USP22: variants seen among roughly 807,000 people sequenced by gnomAD.
The protein encoded by USP22 is ubiquitin carboxyl-terminal hydrolase 22.
A neutral mutation model predicts 68.1 loss-of-function variants in USP22; 22 were observed. The ratio of observed to expected loss-of-function variants is 0.32; its 90% CI spans 0.23 to 0.46. The LOEUF (loss-of-function observed/expected upper bound fraction) is 0.46. Among genes scored for constraint, USP22 ranks in the 20% least tolerant of loss-of-function variants. The probability of loss-of-function intolerance (pLI) is 1.00; values close to 1 mark genes in which losing one functional copy is unlikely to be tolerated. For missense variants in USP22, 433 were observed against 695.8 expected, an observed-to-expected ratio of 0.62 and a Z score of 4.25; for synonymous variants, 279 against 274.2, an observed-to-expected ratio of 1.02 and a Z score of -0.17.
chr17:21,020,021 CCT>C (rs1972133678), intron 3 of USP22, among the ~76,000 whole-genome samples: 1 of 152,004 alleles, frequency 6.6e-6, no homozygotes, highest in African/African-American at 2.4e-5. Flanking sequence ...TGAAAGAGCC[CCT>C]GTTGCTATTC....
intron 4 of USP22, among the ~76,000 whole-genome samples, chr17:21,018,676 C>T (rs1258669693): frequency 1.3e-5 from 2 of 150,356 alleles, no homozygotes; most frequent in Non-Finnish European, 3.0e-5. Flanking sequence ...CCAGCCTGGG[C>T]AACAGAGCAA....
intron 1 of USP22, among the ~76,000 whole-genome samples, chr17:21,034,276 T>C (rs1312023060): frequency 6.6e-6 from 1 of 152,318 alleles, no homozygotes; most frequent in African/African-American, 2.4e-5. Flanking sequence ...GACCTCAGAC[T>C]GACCTCATTT....
chr17:21,022,812 A>C (rs75440884), intron 2 of USP22, among the ~76,000 whole-genome samples: 17 of 150,876 alleles, frequency 1.1e-4, no homozygotes, highest in Admixed American at 2.0e-4. Flanking sequence ...AAAAAAAAAA[A>C]ACCAAATGAA....
At chr17:21,024,969 G>A (rs1253127113) in intron 2 of USP22, among the ~76,000 whole-genome samples, 2 of 151,982 alleles carry the variant, frequency 1.3e-5, no homozygotes, top group Admixed American at 1.3e-4. Context: ...ATAGTGTCTT[G>A]AAAAGAAAAA....
chr17:21,010,064 A>G lies in USP22; in HGVS notation c.1103+1087T>C, dbSNP rs576292606. ...AGGCCGAGACAGGAGACCAAGGCTG[A>G]GCCCTGGACACTGAGGCTGAGCCCA... On this transcript the variant is annotated intron_variant, in intron 8 of 12. Transcript: ENST00000261497. Among the ~76,000 whole-genome samples, 6 of 152,096 alleles carry G rather than the reference A, an allele frequency of 3.9e-5. No homozygotes were observed. In the East Asian group the frequency reaches 1.2e-3, roughly 29 times the overall value.
Position 21,005,282 on chromosome 17 carries a change from T to C in USP22, c.1323-292A>G, listed in dbSNP as rs1913744424. The C allele has an allele frequency of 7.7e-6, 3 of 388,068 alleles. No homozygotes were observed. In the Admixed American group the frequency reaches 1.3e-4, roughly 17 times the overall value. 24.0% of individuals were successfully genotyped at this position (388,068 alleles called of 1,614,324 possible). A position where few individuals can be genotyped will look rare whatever the true frequency, so the allele number is the denominator to read the frequency against. The stretch of plus-strand genomic sequence containing the variant: ...AATGGGAGCTGGATCTGGAGGAATG[T>C]GAGTTTGGTTTGTGACAAAGCAGAT... On this transcript the variant is annotated intron_variant, in intron 10 of 12. Coordinates refer to ENST00000261497, the MANE Select transcript of USP22 (RefSeq NM_015276.2).
intron 6 of USP22, among the ~76,000 whole-genome samples, chr17:21,014,641 C>T (rs550398739): frequency 1.3e-5 from 2 of 152,266 alleles, no homozygotes; most frequent in Admixed American, 1.3e-4. Context: ...TGTACGTAAG[C>T]GCCTAGGGCC....
intron 2 of USP22, among the ~76,000 whole-genome samples, chr17:21,023,764 C>T (rs1250144623): frequency 6.6e-6 from 1 of 152,166 alleles, no homozygotes; most frequent in East Asian, 1.9e-4. Context: ...GGCACCAGCC[C>T]TCACTATGCC....
chr17:21,018,943 G>A (rs1972121378), intron 4 of USP22, 141 bp downstream of exon 4: 1 of 817,384 alleles, frequency 1.2e-6, no homozygotes, highest in Non-Finnish European at 2.0e-6. Flanking sequence ...GTGCTCAAGA[G>A]CTGGTTGCTG....
At chr17:21,039,155 G>A (rs1972394657) in intron 1 of USP22, among the ~76,000 whole-genome samples, 1 of 151,802 alleles carries the variant, frequency 6.6e-6, no homozygotes, top group Non-Finnish European at 1.5e-5. Flanking sequence ...GTTTCACCGT[G>A]TTAGCCAGGA....
chr17:21,033,231 C>T (rs1255604908), intron 1 of USP22, among the ~76,000 whole-genome samples: 2 of 152,162 alleles, frequency 1.3e-5, no homozygotes, highest in African/African-American at 4.8e-5. Context: ...GCAATGATTT[C>T]TGAATTAAAT....
intron 12 of USP22, 66 bp from the exon 13 acceptor site, chr17:21,003,139 C>T (rs1913650441): frequency 5.0e-6 from 8 of 1,589,758 alleles, no homozygotes; most frequent in Non-Finnish European, 6.9e-6. Context: ...GAACAACCCA[C>T]CCTACACAAA....
At chr17:21,037,106 GA>G (rs1457356601) in intron 1 of USP22, among the ~76,000 whole-genome samples, 2 of 152,246 alleles carry the variant, frequency 1.3e-5, no homozygotes, top group Non-Finnish European at 2.9e-5. Context: ...GATACAGCCA[GA>G]TGATGGGAGC....
In USP22 at chr17:21,021,282, G is replaced by A. The variant is rs986597516; in HGVS notation, c.305-56C>T. 7.5e-6 allele frequency: 9 copies of A among 1,207,848 alleles called. No individual in the cohort carries two copies. The African/African-American group carries it at 8.9e-5, about 12-fold the overall frequency. The allele number at this position is 1,207,848 out of a possible 1,614,324, so 74.8% of individuals were successfully genotyped here. ...AGTTGAATTAAAAACCACAATGGAAGGCTGGAGGGCAGAGTTAAACACAGT... is the reference window on the plus strand; with the variant it reads ...AGTTGAATTAAAAACCACAATGGAAAGCTGGAGGGCAGAGTTAAACACAGT... On this transcript the variant is annotated intron_variant, in intron 2 of 12. Transcript: ENST00000261497.
At chr17:21,003,909 A>T (rs1049597193) in intron 12 of USP22, among the ~76,000 whole-genome samples, 18 of 151,852 alleles carry the variant, frequency 1.2e-4, no homozygotes, top group African/African-American at 3.6e-4. Context: ...TCAAAAAAAA[A>T]AAAAAAAAAA....
At chr17:21,018,203 C>G in intron 4 of USP22, 92 bp from the exon 5 acceptor site, 1 of 1,264,468 alleles carries the variant, frequency 7.9e-7, no homozygotes, top group Non-Finnish European at 1.1e-6. Flanking sequence ...TCTACATACT[C>G]ATTTTCTTTT....
At chr17:21,039,028 T>C (rs974800977) in intron 1 of USP22, among the ~76,000 whole-genome samples, 3 of 151,960 alleles carry the variant, frequency 2.0e-5, no homozygotes, top group African/African-American at 7.2e-5. Flanking sequence ...CTCGGCTCAC[T>C]GCAACCTCCG....
At chr17:21,019,012 AC>A (rs1972122203) in intron 4 of USP22, 71 bp downstream of exon 4, 1 of 1,488,574 alleles carries the variant, frequency 6.7e-7, no homozygotes, top group Non-Finnish European at 9.4e-7. Flanking sequence ...GACTTAAGAA[AC>A]CCACAATTCT....
chr17:21,026,792 C>T (rs1972225844), intron 2 of USP22, among the ~76,000 whole-genome samples: 1 of 145,784 alleles, frequency 6.9e-6, no homozygotes, highest in African/African-American at 2.6e-5. Flanking sequence ...TAGTGAGACC[C>T]TGTCTCCACA....
Sources: gnomAD v4.1 joint callset for allele counts (sites outside exome capture counted in the v4.1 genomes callset) on GRCh38, gnomAD v4.1.1 for gene constraint, MANE v1.5 for transcripts, NCBI Gene and HGNC (gene_info 2026-07-23, HGNC 2026-07-21) for gene names.